DNAL1: variants seen among roughly 807,000 people sequenced by gnomAD.
DNAL1 encodes dynein axonemal light chain 1.
A neutral mutation model predicts 29.4 loss-of-function variants in DNAL1; 17 were observed. The observed-to-expected ratio is 0.58, with a 90% CI of 0.40 to 0.87. The LOEUF is 0.87. DNAL1 is among the 40% of genes least tolerant of loss of function. The pLI is 0.00. For missense variants in DNAL1, 188 were observed against 214.1 expected (o/e 0.88, Z 0.76); for synonymous variants, 78 against 76.3 (o/e 1.02, Z -0.12).
intron 7 of DNAL1, among the ~76,000 whole-genome samples, chr14:73,693,035 C>A (rs1272109316): frequency 6.6e-6 from 1 of 152,036 alleles, no homozygotes; most frequent in Non-Finnish European, 1.5e-5. Context: ...GGGGTCTTAT[C>A]ATCTTGGCAA....
At chr14:73,682,518 A>AT (rs1263768242) in intron 5 of DNAL1, among the ~76,000 whole-genome samples, 3 of 151,500 alleles carry the variant, frequency 2.0e-5, no homozygotes, top group South Asian at 2.1e-4. Context: ...ACTTTTCAAT[A>AT]TTTTTTTAAC....
intron 1 of DNAL1, among the ~76,000 whole-genome samples, chr14:73,652,114 C>T (rs1891125503): frequency 6.6e-6 from 1 of 152,048 alleles, no homozygotes; most frequent in African/African-American, 2.4e-5. Flanking sequence ...TAGGCTCATG[C>T]AGCCCTGACC....
intron 3 of DNAL1, among the ~76,000 whole-genome samples, chr14:73,661,621 T>C (rs1266453393): frequency 6.6e-6 from 1 of 151,880 alleles, no homozygotes; most frequent in Non-Finnish European, 1.5e-5. Flanking sequence ...AGCAGGCACC[T>C]GTAATCCCAG....
intron 4 of DNAL1, among the ~76,000 whole-genome samples, chr14:73,669,496 C>A (rs193013394): frequency 1.3e-5 from 2 of 151,928 alleles, no homozygotes; most frequent in Non-Finnish European, 2.9e-5. Context: ...AGGATGGTCT[C>A]GATCTTCTGA....
chr14:73,662,461 C>A (rs756854239), intron 4 of DNAL1, among the ~76,000 whole-genome samples: 1 of 152,142 alleles, frequency 6.6e-6, no homozygotes, highest in East Asian at 1.9e-4. Flanking sequence ...TAGTTTCCTA[C>A]GGCTGCTGTA....
chr14:73,645,500 A>C (rs1890958287), intron 1 of DNAL1, among the ~76,000 whole-genome samples: 1 of 152,106 alleles, frequency 6.6e-6, no homozygotes, highest in Non-Finnish European at 1.5e-5. Flanking sequence ...TTGCCTTCTG[A>C]ATGACTACGA....
At chr14:73,652,479 T>C (rs1373168696) in intron 1 of DNAL1, among the ~76,000 whole-genome samples, 1 of 152,110 alleles carries the variant, frequency 6.6e-6, no homozygotes, top group East Asian at 1.9e-4. Flanking sequence ...TCTCACTGCC[T>C]TGCCCAGGCT....
chr14:73,645,178 C>T, intron 1 of DNAL1, 136 bp downstream of exon 1: 12 of 1,491,770 alleles, frequency 8.0e-6, no homozygotes, highest in Non-Finnish European at 9.1e-6. Context: ...TCTGTGGAGT[C>T]AGGGGCCCGA....
chr14:73,674,701 C>T (rs1891690957), intron 5 of DNAL1, among the ~76,000 whole-genome samples: 1 of 151,994 alleles, frequency 6.6e-6, no homozygotes. Flanking sequence ...GCCATCATAC[C>T]AAGCTAATAT....
At chr14:73,682,058 G>A (rs971953209) in intron 5 of DNAL1, among the ~76,000 whole-genome samples, 2 of 151,740 alleles carry the variant, frequency 1.3e-5, no homozygotes, top group African/African-American at 4.8e-5. Flanking sequence ...GTTGCAGTGA[G>A]CCGAGATCGC....
intron 4 of DNAL1, among the ~76,000 whole-genome samples, chr14:73,663,104 A>G (rs1891393279): frequency 6.6e-6 from 1 of 152,140 alleles, no homozygotes; most frequent in South Asian, 2.1e-4. Flanking sequence ...AATGTATTAT[A>G]CATTCATATG....
chr14:73,680,711 G>C (rs1272394457), intron 5 of DNAL1, among the ~76,000 whole-genome samples: 1 of 152,050 alleles, frequency 6.6e-6, no homozygotes, highest in South Asian at 2.1e-4. Context: ...ATAATGACTG[G>C]GATATATTCT....
intron 5 of DNAL1, among the ~76,000 whole-genome samples, chr14:73,673,494 C>T (rs546948351): frequency 2.0e-4 from 30 of 152,218 alleles, no homozygotes; most frequent in African/African-American, 6.7e-4. Context: ...TTTTAGATAT[C>T]GTCACTTTTT....
At chr14:73,659,026 G>T in intron 3 of DNAL1, 70 bp downstream of exon 3, 4 of 1,091,604 alleles carry the variant, frequency 3.7e-6, no homozygotes, top group South Asian at 2.5e-5. Context: ...ACACAAAGTA[G>T]GAAAATATGT....
At chr14:73,657,787 G>A (rs1019950889) in intron 2 of DNAL1, among the ~76,000 whole-genome samples, 2 of 152,196 alleles carry the variant, frequency 1.3e-5, no homozygotes, top group Non-Finnish European at 2.9e-5. Flanking sequence ...TAGAGGCAGT[G>A]TTTCACCATG....
chr14:73,664,859 TAA>T (rs112233204), intron 4 of DNAL1, among the ~76,000 whole-genome samples: 1 of 147,278 alleles, frequency 6.8e-6, no homozygotes, highest in African/African-American at 2.5e-5. Flanking sequence ...AGACCTTGTC[TAA>T]AAAAAAAAAT....
chr14:73,654,707 G>A (rs1307069772), intron 1 of DNAL1, 140 bp from the exon 2 acceptor site: 15 of 679,346 alleles, frequency 2.2e-5, no homozygotes, highest in Admixed American at 3.6e-5. Flanking sequence ...TGTGGTGAGC[G>A]GAAATCATGC....
intron 1 of DNAL1, 55 bp from the exon 2 acceptor site, chr14:73,654,792 T>TCATACATA: frequency 7.0e-7 from 1 of 1,427,424 alleles, no homozygotes; most frequent in Non-Finnish European, 9.3e-7. Flanking sequence ...ATACATACAT[T>TCATACATA]CATACATACA....
intron 5 of DNAL1, among the ~76,000 whole-genome samples, chr14:73,679,476 T>G (rs987364989): frequency 1.3e-5 from 2 of 152,048 alleles, no homozygotes; most frequent in Non-Finnish European, 2.9e-5. Context: ...CACTGAGAGA[T>G]AATTGGATAA....
Sources: gnomAD v4.1 joint callset for allele counts (sites outside exome capture counted in the v4.1 genomes callset) on GRCh38, gnomAD v4.1.1 for gene constraint, MANE v1.5 for transcripts, NCBI Gene and HGNC (gene_info 2026-07-23, HGNC 2026-07-21) for gene names.